Variants in PRKD3 observed in about 807,000 individuals in gnomAD.
The protein encoded by PRKD3 is serine/threonine-protein kinase D3.
In PRKD3, 47 loss-of-function variants were observed where a neutral mutation model predicts 99.2. The ratio of observed to expected loss-of-function variants is 0.47; its 90% confidence interval spans 0.38 to 0.60. The LOEUF (loss-of-function observed/expected upper bound fraction) is 0.60, where lower values mean the gene tolerates loss of function less well. Ranked by LOEUF, PRKD3 falls within the 20% of genes least tolerant of loss-of-function variation. The pLI is 0.00. For missense variants in PRKD3, 1,019 were observed against 1,088.4 expected (o/e 0.94, Z 0.90); for synonymous variants, 392 against 355.4 (o/e 1.10, Z -1.16).
At chr2:37,257,671 G>GAAAA (rs1164110574) in intron 16 of PRKD3, among the ~76,000 whole-genome samples, 2 of 28,540 alleles carry the variant, frequency 7.0e-5, no homozygotes, top group African/African-American at 1.5e-4. Context: ...TGTCTCAAAA[G>GAAAA]AAAAAAAAAA....
Position 37,257,913 on chromosome 2 carries a change from AAC to A in PRKD3, c.2146-986_2146-985del, listed in dbSNP as rs1350261691. On this transcript the variant is annotated intron_variant, in intron 16 of 18. Coordinates refer to ENST00000234179, the MANE Select transcript of PRKD3 (RefSeq NM_005813.6). ...TTCTAGTTAGATGTTTAGATTTGAA[AAC>A]AGTTATATGTAAAGGGAGCCATAGT... is the stretch of plus-strand genomic sequence containing the variant. Among the ~76,000 whole-genome samples the A allele has an allele frequency of 7.9e-5, 12 of 152,244 alleles. No individual in the cohort carries two copies. In the South Asian group the frequency reaches 2.3e-3, roughly 29 times the overall value.
chr2:37,291,726 T>C (rs1241031853), intron 3 of PRKD3, among the ~76,000 whole-genome samples: 1 of 152,046 alleles, frequency 6.6e-6, no homozygotes, highest in Admixed American at 6.6e-5. Context: ...ATCAGAAATA[T>C]AAGATGAGAG....
intron 2 of PRKD3, among the ~76,000 whole-genome samples, chr2:37,301,320 G>A (rs1461705465): frequency 1.3e-5 from 2 of 151,726 alleles, no homozygotes; most frequent in African/African-American, 4.8e-5. Flanking sequence ...ATAGCTTCTT[G>A]TTCTAAATCA....
intron 2 of PRKD3, among the ~76,000 whole-genome samples, chr2:37,298,022 T>C (rs1670748971): frequency 6.6e-6 from 1 of 152,210 alleles, no homozygotes; most frequent in African/African-American, 2.4e-5. Flanking sequence ...ATCTTCCAAA[T>C]GGGAGATTTA....
chr2:37,254,580 T>G (rs1402244729), intron 17 of PRKD3, among the ~76,000 whole-genome samples: 2 of 152,238 alleles, frequency 1.3e-5, no homozygotes, highest in Admixed American at 1.3e-4. Context: ...CTACTAGCTG[T>G]GTGATACTGG....
rs1558583203 is a variant in PRKD3, at chr2:37,316,285, C to T, written c.240G>A (p.Leu80=). The change falls in exon 2 of 19, where the codon CTG becomes CTA. Residue 80 remains leucine, a synonymous_variant. Transcript: ENST00000234179. ...CAAGATCCTTGACAGCAGATAAAGA[C>T]AGTTCCTGGGCTTCAATGGTAACAC... The part of the protein sequence containing the change: ...RESVTIEAQE[L]SLSAVKDLVC... The T allele has an allele frequency of 3.7e-6, 6 of 1,614,198 alleles. No homozygotes were observed. The highest frequency in any genetic ancestry group is 2.7e-5 in the African/African-American group (2 of 75,048).
At chr2:37,322,058 A>G (rs1436575353) in intron 1 of PRKD3, among the ~76,000 whole-genome samples, 3 of 152,194 alleles carry the variant, frequency 2.0e-5, no homozygotes, top group Non-Finnish European at 4.4e-5. Context: ...AGTTTTGTGT[A>G]CTAGAAATGC....
intron 5 of PRKD3, 129 bp from the exon 6 acceptor site, chr2:37,286,498 CA>C: frequency 1.4e-6 from 1 of 733,272 alleles, no homozygotes; most frequent in Non-Finnish European, 2.1e-6. Context: ...TTGTTCTCAG[CA>C]GTTTCCTTTG....
chr2:37,298,515 G>A (rs1161485862), intron 2 of PRKD3, among the ~76,000 whole-genome samples: 1 of 151,678 alleles, frequency 6.6e-6, no homozygotes, highest in Non-Finnish European at 1.5e-5. Context: ...CTGTAAAATA[G>A]TGCCTACTTG....
intron 17 of PRKD3, among the ~76,000 whole-genome samples, chr2:37,255,965 G>A (rs1667901952): frequency 6.6e-6 from 1 of 152,142 alleles, no homozygotes; most frequent in Non-Finnish European, 1.5e-5. Context: ...AGTGAGCTGT[G>A]TTTGTGCACA....
chr2:37,294,016 T>C (rs1459019258), intron 2 of PRKD3, among the ~76,000 whole-genome samples: 2 of 152,222 alleles, frequency 1.3e-5, no homozygotes, highest in African/African-American at 4.8e-5. Flanking sequence ...GTGTTTTAGG[T>C]GCAAACACTA....
chr2:37,293,808 CTGA>C (rs1179024527), intron 2 of PRKD3, among the ~76,000 whole-genome samples: 3 of 152,324 alleles, frequency 2.0e-5, no homozygotes, highest in South Asian at 2.1e-4. Flanking sequence ...GACGCTGCTG[CTGA>C]TATCGTTTAC....
intron 2 of PRKD3, among the ~76,000 whole-genome samples, chr2:37,304,611 G>T (rs550048517): frequency 1.3e-5 from 2 of 151,700 alleles, no homozygotes; most frequent in African/African-American, 4.8e-5. Flanking sequence ...GCATGGTGGC[G>T]GGCACCTGTA....
At chr2:37,309,919 G>A (rs1386063173) in intron 2 of PRKD3, among the ~76,000 whole-genome samples, 1 of 148,132 alleles carries the variant, frequency 6.8e-6, no homozygotes, top group Non-Finnish European at 1.5e-5. Context: ...TTCTAATATA[G>A]AAGTCACAGG....
At chr2:37,271,501 A>T (rs1486691235) in intron 12 of PRKD3, among the ~76,000 whole-genome samples, 1 of 152,192 alleles carries the variant, frequency 6.6e-6, no homozygotes, top group Admixed American at 6.5e-5. Context: ...TATGGTCCAC[A>T]ACAGGGGTCC....
intron 17 of PRKD3, 52 bp downstream of exon 17, chr2:37,256,610 T>A: frequency 6.8e-7 from 1 of 1,461,704 alleles, no homozygotes; most frequent in Non-Finnish European, 9.0e-7. Context: ...ATGTTTAGGC[T>A]TAAAACACAT....
chr2:37,324,753 CT>C lies in PRKD3; in HGVS notation c.-729del, dbSNP rs1043629990. 9.9e-5 allele frequency: 15 copies of C among 151,242 alleles called. No homozygotes were observed. The highest frequency in any genetic ancestry group is 3.6e-4 in the African/African-American group (15 of 41,346). The allele number at this position is 151,242 out of a possible 1,614,324, so 9.4% of individuals were successfully genotyped here. A position where few individuals can be genotyped will look rare whatever the true frequency, so the allele number is the denominator to read the frequency against. On this transcript the variant is annotated 5_prime_UTR_variant, in exon 1 of 19. Coordinates refer to ENST00000234179, the MANE Select transcript of PRKD3 (RefSeq NM_005813.6). The stretch of plus-strand genomic sequence containing the variant: ...AGTACCGGACGAGGCGCCAGCGAGG[CT>C]TCACGCGCCTCGCAGGATCCCGCCC...
intron 14 of PRKD3, among the ~76,000 whole-genome samples, chr2:37,267,015 C>T (rs116584836): frequency 0.023 from 3,454 of 152,150 alleles, 59 homozygotes; most frequent in South Asian, 0.041. Context: ...AAATACGCCC[C>T]AATCGACTAA....
intron 14 of PRKD3, among the ~76,000 whole-genome samples, chr2:37,266,341 T>A (rs1345953452): frequency 6.6e-6 from 1 of 152,236 alleles, no homozygotes. Flanking sequence ...TTTGTTGTTG[T>A]TGAGACGGAG....
Sources: gnomAD v4.1 joint callset for allele counts (sites outside exome capture counted in the v4.1 genomes callset) on GRCh38, gnomAD v4.1.1 for gene constraint, MANE v1.5 for transcripts, NCBI Gene and HGNC (gene_info 2026-07-23, HGNC 2026-07-21) for gene names.